PEMT: variants seen among roughly 807,000 people sequenced by gnomAD.
The protein encoded by PEMT is phosphatidylethanolamine N-methyltransferase.
A neutral mutation model predicts 27.4 loss-of-function variants in PEMT; 23 were observed. That is an observed-to-expected ratio of 0.84 (90% confidence interval 0.60 to 1.19). The LOEUF (loss-of-function observed/expected upper bound fraction) is 1.19, where lower values mean the gene tolerates loss of function less well. Ranked by LOEUF, PEMT falls within the 50% of genes most tolerant of loss-of-function variation. The probability of loss-of-function intolerance (pLI) is 0.00; values close to 1 mark genes in which losing one functional copy is unlikely to be tolerated. For missense variants in PEMT, 307 were observed against 310.1 expected (o/e 0.99, Z 0.07); for synonymous variants, 137 against 139.1 (o/e 0.98, Z 0.11).
chr17:17,579,245 A>C (rs559932869), intron 1 of PEMT, among the ~76,000 whole-genome samples: 1 of 152,348 alleles, frequency 6.6e-6, no homozygotes, highest in East Asian at 1.9e-4. Flanking sequence ...GATGTCCCTC[A>C]GACGTCTATC....
rs191744934 is a variant in PEMT, at chr17:17,585,932, A to G, written c.96+5599T>C. Among the ~76,000 whole-genome samples, 356 of 151,886 alleles carry G rather than the reference A, an allele frequency of 2.3e-3. 2 individuals carry two copies. Among genetic ancestry groups the G allele is most frequent in the African/African-American group, 7.9e-3 (328 of 41,396 alleles). On this transcript the variant is annotated intron_variant, in intron 1 of 6. Coordinates refer to ENST00000255389, the MANE Select transcript of PEMT (RefSeq NM_148172.3). ...CCCGTCTCTACTAAAAAATTAAAAAAATTAGCTGGGCGTGGTGGCAGGCGC... is the reference window on the plus strand; with the variant it reads ...CCCGTCTCTACTAAAAAATTAAAAAGATTAGCTGGGCGTGGTGGCAGGCGC...
At chr17:17,529,610 C>T (rs1442586588) in intron 2 of PEMT, among the ~76,000 whole-genome samples, 1 of 152,200 alleles carries the variant, frequency 6.6e-6, no homozygotes. Context: ...CACCCGAGGC[C>T]CCAGCAAAGC....
intron 2 of PEMT, among the ~76,000 whole-genome samples, chr17:17,527,494 T>C (rs2142555913): frequency 6.6e-6 from 1 of 152,334 alleles, no homozygotes; most frequent in African/African-American, 2.4e-5. Flanking sequence ...TACTTGCAGC[T>C]TGGAGCTTGG....
intron 2 of PEMT, among the ~76,000 whole-genome samples, chr17:17,540,913 T>C (rs1328686805): frequency 6.6e-6 from 1 of 152,232 alleles, no homozygotes; most frequent in African/African-American, 2.4e-5. Context: ...AAATCTGCAG[T>C]GGGCAGGGAG....
At chr17:17,575,067 A>G (rs1176424836) in intron 2 of PEMT, among the ~76,000 whole-genome samples, 2 of 152,226 alleles carry the variant, frequency 1.3e-5, no homozygotes, top group Non-Finnish European at 2.9e-5. Flanking sequence ...AACAACAGCA[A>G]TCCCCAATCA....
At chr17:17,528,233 C>T (rs1907837297) in intron 2 of PEMT, among the ~76,000 whole-genome samples, 4 of 152,238 alleles carry the variant, frequency 2.6e-5, no homozygotes, top group Admixed American at 2.0e-4. Flanking sequence ...GCCCCCATCT[C>T]GCTTCTACAG....
Position 17,561,822 on chromosome 17 carries a change from C to T in PEMT, c.204+15098G>A, listed in dbSNP as rs1383379930. Among the ~76,000 whole-genome samples, 3 of 152,238 alleles carry T rather than the reference C, an allele frequency of 2.0e-5. No homozygotes were observed. The highest frequency in any genetic ancestry group is 2.1e-4 in the South Asian group (1 of 4,832). ...CAAGGACATGGGGGTACCACTTCCACGTGGCTACCTCACGCGGACGCCCCA... is the reference window on the plus strand; with the variant it reads ...CAAGGACATGGGGGTACCACTTCCATGTGGCTACCTCACGCGGACGCCCCA... On this transcript the variant is annotated intron_variant, in intron 2 of 6. Coordinates refer to ENST00000255389, the MANE Select transcript of PEMT (RefSeq NM_148172.3). The surrounding 1 kb of genome is among the most constrained non-coding windows in gnomAD (Gnocchi z 4.5).
At chr17:17,559,357 C>G (rs943343842) in intron 2 of PEMT, among the ~76,000 whole-genome samples, 2 of 152,242 alleles carry the variant, frequency 1.3e-5, no homozygotes, top group Non-Finnish European at 2.9e-5. Flanking sequence ...CTGAGGCTCA[C>G]AGAGGCTAAC....
chr17:17,523,672 G>A lies in PEMT; in HGVS notation c.205-1277C>T, dbSNP rs182782373. ...TGACTCTGTGGGAAGCTCAAAAGGC[G>A]GAAGGAATAAGCGCTGCAGGGGTGA... On this transcript the variant is annotated intron_variant, in intron 2 of 6. Transcript: ENST00000255389. The surrounding 1 kb of genome is among the most constrained non-coding windows in gnomAD (Gnocchi z 4.8). 3.3e-5 allele frequency among the ~76,000 whole-genome samples: 5 copies of A among 152,080 alleles called. No homozygotes were observed. Among genetic ancestry groups the A allele is most frequent in the East Asian group, 1.9e-4 (1 of 5,184 alleles).
intron 2 of PEMT, among the ~76,000 whole-genome samples, chr17:17,532,920 G>A (rs562437614): frequency 8.5e-5 from 13 of 152,288 alleles, no homozygotes; most frequent in African/African-American, 2.4e-4. Flanking sequence ...CCAGCTACTC[G>A]TAAGGCTGAG....
At position 17,561,750 on chromosome 17, in the gene PEMT, C is replaced by T. The variant is rs901358008; in HGVS notation, c.204+15170G>A. On this transcript the variant is annotated intron_variant, in intron 2 of 6. Coordinates refer to ENST00000255389, the MANE Select transcript of PEMT (RefSeq NM_148172.3). This position sits in a 1 kb window ranked among gnomAD's most constrained non-coding sequence, Gnocchi z 4.5. Reference sequence around the variant, plus strand: ...CCCAGAGATATGAGGGGGGCACAACCGCACCGGGCTCCCGAGGATGGCAAG... The same window carrying T: ...CCCAGAGATATGAGGGGGGCACAACTGCACCGGGCTCCCGAGGATGGCAAG... 2.6e-5 allele frequency among the ~76,000 whole-genome samples: 4 copies of T among 152,198 alleles called. No homozygotes were observed. The highest frequency in any genetic ancestry group is 1.3e-4 in the Admixed American group (2 of 15,284).
In PEMT at chr17:17,505,790, A is replaced by G. The variant is rs776306918; in HGVS notation, c.*1T>C. ...CCTTCAGCAAAGCTGTTGCAGCTCA[A>G]TCAGCTCCTCTTGTGGGACCCGGAG... On this transcript the variant is annotated 3_prime_UTR_variant, in exon 7 of 7. Coordinates refer to ENST00000255389, the MANE Select transcript of PEMT (RefSeq NM_148172.3). 76 of 1,609,494 alleles carry G rather than the reference A, an allele frequency of 4.7e-5. No individual in the cohort carries two copies. In the East Asian group the frequency reaches 1.6e-3, roughly 34 times the overall value.
At chr17:17,550,420 G>A (rs541499692) in intron 2 of PEMT, among the ~76,000 whole-genome samples, 1 of 152,202 alleles carries the variant, frequency 6.6e-6, no homozygotes, top group Admixed American at 6.5e-5. Flanking sequence ...GTGGCACTTG[G>A]GTGTCAAGGG....
intron 2 of PEMT, among the ~76,000 whole-genome samples, chr17:17,548,680 C>A (rs563259013): frequency 6.6e-6 from 1 of 152,296 alleles, no homozygotes; most frequent in East Asian, 1.9e-4. Context: ...TCCTGAGTAG[C>A]TGGGATTACA....
chr17:17,515,676 C>T (rs1206263088), intron 3 of PEMT, among the ~76,000 whole-genome samples: 1 of 152,172 alleles, frequency 6.6e-6, no homozygotes, highest in African/African-American at 2.4e-5. Context: ...GTTCTAGCTC[C>T]TCCATTAAGC....
intron 2 of PEMT, among the ~76,000 whole-genome samples, chr17:17,524,584 T>G (rs551476683): frequency 5.3e-4 from 76 of 144,560 alleles, no homozygotes; most frequent in Middle Eastern, 7.1e-3. Flanking sequence ...GGAGACATAG[T>G]GAGACCCTGT....
chr17:17,518,853 G>A (rs949224511), intron 3 of PEMT, among the ~76,000 whole-genome samples: 2 of 152,184 alleles, frequency 1.3e-5, no homozygotes, highest in Non-Finnish European at 2.9e-5. Flanking sequence ...AGGGACTGGG[G>A]GGCGGGAGAT....
intron 2 of PEMT, among the ~76,000 whole-genome samples, chr17:17,543,466 G>A (rs1040164648): frequency 1.2e-4 from 19 of 152,222 alleles, no homozygotes; most frequent in Admixed American, 1.3e-4. Context: ...GGAAGGCAGC[G>A]CACGCCACCT....
At chr17:17,552,022 C>T (rs534738333) in intron 2 of PEMT, among the ~76,000 whole-genome samples, 21 of 152,096 alleles carry the variant, frequency 1.4e-4, no homozygotes, top group African/African-American at 1.9e-4. Context: ...GCCAACATGG[C>T]GAAACCCCGT....
Sources: gnomAD v4.1 joint callset for allele counts (sites outside exome capture counted in the v4.1 genomes callset) on GRCh38, gnomAD v4.1.1 for gene constraint, Gnocchi (gnomAD v3.1) non-coding constraint, MANE v1.5 for transcripts, NCBI Gene and HGNC (gene_info 2026-07-23, HGNC 2026-07-21) for gene names.